Variants in PLPP1 observed in about 807,000 individuals in gnomAD.
PLPP1 encodes the protein phospholipid phosphatase 1.
In PLPP1, 24 loss-of-function variants were observed where a neutral mutation model predicts 31.2. The ratio of observed to expected loss-of-function variants is 0.77; its 90% CI spans 0.56 to 1.08. The LOEUF is 1.08. Ranked by LOEUF, PLPP1 falls within the 50% of genes least tolerant of loss-of-function variation. The pLI, the probability that PLPP1 is intolerant of heterozygous loss-of-function variation, is 0.00. For synonymous variants in PLPP1, 146 were observed against 126.3 expected (o/e 1.16, Z -1.05); for missense variants, 319 against 342.7 (o/e 0.93, Z 0.55).
chr5:55,534,105 G>A (rs1402972436), intron 1 of PLPP1, among the ~76,000 whole-genome samples: 5 of 152,070 alleles, frequency 3.3e-5, no homozygotes, highest in Admixed American at 3.3e-4. Context: ...TTCTAATTAG[G>A]AACTAGTTCT....
intron 4 of PLPP1, among the ~76,000 whole-genome samples, chr5:55,435,287 C>T (rs1216359645): frequency 1.3e-5 from 2 of 152,176 alleles, no homozygotes; most frequent in African/African-American, 2.4e-5. Flanking sequence ...CACTGCTGCT[C>T]GGAATATAAA....
intron 3 of PLPP1, among the ~76,000 whole-genome samples, chr5:55,443,192 A>AAAAAAAAAAAAAAAAAT: frequency 3.9e-4 from 10 of 25,440 alleles, no homozygotes; most frequent in South Asian, 2.5e-3. Flanking sequence ...AAAAAAAAAA[A>AAAAAAAAAAAAAAAAAT]ATATATATAT....
intron 1 of PLPP1, among the ~76,000 whole-genome samples, chr5:55,501,468 TGATG>T (rs1441119733): frequency 3.6e-5 from 2 of 55,340 alleles, no homozygotes; most frequent in Non-Finnish European, 1.3e-4. Context: ...TAGAGATCTA[TGATG>T]ATTTCCTTAA....
chr5:55,430,694 A>G (rs766863106), intron 4 of PLPP1, among the ~76,000 whole-genome samples: 1 of 152,248 alleles, frequency 6.6e-6, no homozygotes, highest in Non-Finnish European at 1.5e-5. Flanking sequence ...AGGAAATATG[A>G]CACTTCCAAA....
intron 1 of PLPP1, among the ~76,000 whole-genome samples, chr5:55,531,997 T>C (rs183840751): frequency 1.1e-3 from 160 of 152,340 alleles, no homozygotes; most frequent in South Asian, 1.9e-3. Context: ...GTAAATAGAT[T>C]AAATGCCTTT....
At chr5:55,509,143 G>A (rs1465306805) in intron 1 of PLPP1, among the ~76,000 whole-genome samples, 2 of 152,208 alleles carry the variant, frequency 1.3e-5, no homozygotes, top group Admixed American at 1.3e-4. Context: ...ACTACAGCAT[G>A]AAGGTTTTCA....
chr5:55,504,950 A>C lies in PLPP1; in HGVS notation c.59-29500T>G, dbSNP rs191726503. 4.9e-3 allele frequency among the ~76,000 whole-genome samples: 738 copies of C among 151,882 alleles called. 6 individuals are homozygous for C. The highest frequency in any genetic ancestry group is 0.016 in the African/African-American group (682 of 41,424). On this transcript the variant is annotated intron_variant, in intron 1 of 5. Transcript: ENST00000307259. ...CATAGCCTTCTGAGTAGCTTGAACT[A>C]TAGGTGCACATCACCACACCCGGCT...
At chr5:55,452,138 AT>A (rs1351578958) in intron 3 of PLPP1, among the ~76,000 whole-genome samples, 3 of 152,098 alleles carry the variant, frequency 2.0e-5, no homozygotes, top group African/African-American at 7.2e-5. Context: ...ACTACTTGAT[AT>A]AGTTTGGATG....
chr5:55,508,893 C>T (rs748173329), intron 1 of PLPP1: 5 of 153,936 alleles, frequency 3.2e-5, no homozygotes, highest in Non-Finnish European at 7.4e-5. Flanking sequence ...AAAGTGGGTA[C>T]CATTTAGAAG....
intron 1 of PLPP1, among the ~76,000 whole-genome samples, chr5:55,489,874 C>T (rs534523723): frequency 6.6e-6 from 1 of 152,200 alleles, no homozygotes; most frequent in East Asian, 1.9e-4. Context: ...TGATATGCTG[C>T]ACTGCCAAGA....
At chr5:55,515,212 G>A (rs1753530271) in intron 1 of PLPP1, among the ~76,000 whole-genome samples, 1 of 152,208 alleles carries the variant, frequency 6.6e-6, no homozygotes, top group South Asian at 2.1e-4. Flanking sequence ...TTCTGTAAGG[G>A]TGGTCAACGA....
chr5:55,528,154 G>A (rs139875970), intron 1 of PLPP1, among the ~76,000 whole-genome samples: 274 of 152,152 alleles, frequency 1.8e-3, no homozygotes, highest in Non-Finnish European at 3.3e-3. Context: ...GGGACTGCCC[G>A]CAAATAAGTC....
intron 3 of PLPP1, among the ~76,000 whole-genome samples, chr5:55,459,940 A>G (rs552100891): frequency 2.6e-5 from 4 of 152,294 alleles, no homozygotes; most frequent in Non-Finnish European, 4.4e-5. Context: ...TAGCAGATAC[A>G]TATTTTTGTC....
chr5:55,530,462 A>T, intron 1 of PLPP1: 1 of 1,240,162 alleles, frequency 8.1e-7, no homozygotes, highest in Non-Finnish European at 1.2e-6. Context: ...TCTCTTGGTA[A>T]GTTTCTGTGT....
rs1751134623 is a variant in PLPP1 at position 55,425,042 on chromosome 5, G to T, written c.*164C>A. 3 of 985,746 alleles carry T rather than the reference G, an allele frequency of 3.0e-6. No homozygotes were observed. In the South Asian group the frequency reaches 5.1e-5, roughly 17 times the overall value. The allele number at this position is 985,746 out of a possible 1,614,324, so 61.1% of individuals were successfully genotyped here. On this transcript the variant is annotated 3_prime_UTR_variant, in exon 6 of 6. Coordinates refer to ENST00000307259, the MANE Select transcript of PLPP1 (RefSeq NM_003711.4). ...TTTAGAGCTATTAGATAACCACTGA[G>T]TTAAAGGTAACTATGTACACACAAA...
intron 1 of PLPP1, among the ~76,000 whole-genome samples, chr5:55,496,727 T>A (rs1000973635): frequency 2.0e-5 from 3 of 152,248 alleles, no homozygotes; most frequent in African/African-American, 4.8e-5. Flanking sequence ...CTGCTCTTAG[T>A]GCACTACTCC....
At chr5:55,524,003 G>A (rs1235593167) in intron 1 of PLPP1, among the ~76,000 whole-genome samples, 1 of 152,032 alleles carries the variant, frequency 6.6e-6, no homozygotes, top group African/African-American at 2.4e-5. Context: ...TTTTGCACTG[G>A]TATTTGCAGC....
At chr5:55,491,869 A>AG (rs1467884251) in intron 1 of PLPP1, among the ~76,000 whole-genome samples, 3 of 147,600 alleles carry the variant, frequency 2.0e-5, no homozygotes, top group Non-Finnish European at 4.5e-5. Context: ...GGAAAAAAAA[A>AG]AAAAAAAGAA....
intron 1 of PLPP1, among the ~76,000 whole-genome samples, chr5:55,530,974 C>T (rs2085724971): frequency 6.6e-6 from 1 of 151,352 alleles, no homozygotes; most frequent in African/African-American, 2.5e-5. Flanking sequence ...CGGCCCGGGG[C>T]TCGATGCCCT....
Sources: gnomAD v4.1 joint callset for allele counts (sites outside exome capture counted in the v4.1 genomes callset) on GRCh38, gnomAD v4.1.1 for gene constraint, MANE v1.5 for transcripts, NCBI Gene and HGNC (gene_info 2026-07-23, HGNC 2026-07-21) for gene names.